Variants in GNAO1 observed in about 807,000 individuals in gnomAD.
GNAO1 encodes the protein G protein subunit alpha o1.
For synonymous variants in GNAO1, 164 were observed against 180.7 expected (o/e 0.91, Z 0.74); for missense variants, 166 against 478.7 (o/e 0.35, Z 6.10).
At chr16:56,321,380 T>C (rs2037570157) in intron 3 of GNAO1, among the ~76,000 whole-genome samples, 1 of 152,206 alleles carries the variant, frequency 6.6e-6, no homozygotes, top group Non-Finnish European at 1.5e-5. Context: ...TCAGCTCTGC[T>C]TTCCTCAGTG....
intron 2 of GNAO1, chr16:56,194,381 G>T (rs1222222917): frequency 4.3e-5 from 18 of 415,956 alleles, no homozygotes; most frequent in South Asian, 5.1e-5. Flanking sequence ...CCCGAGGGGG[G>T]ACGTTTTAAA....
rs1427998093 is a variant in GNAO1, at chr16:56,347,625, G to C, written c.724-3759G>C. 4 of 962,056 alleles carry C rather than the reference G, an allele frequency of 4.2e-6. No individual in the cohort carries two copies. The African/African-American group carries it at 8.7e-5, about 21-fold the overall frequency. 59.6% of individuals were successfully genotyped at this position (962,056 alleles called of 1,614,324 possible). On this transcript the variant is annotated intron_variant, in intron 6 of 8. Transcript: ENST00000262493. ...CCTGGATCCCCTCCATGAGAGAGGG[G>C]CTCCCCCTGGAACAGAAGCTCTCAT...
chr16:56,304,425 T>C (rs181699129), intron 3 of GNAO1, among the ~76,000 whole-genome samples: 1 of 152,374 alleles, frequency 6.6e-6, no homozygotes, highest in Admixed American at 6.5e-5. Flanking sequence ...TCTTTATTGT[T>C]CAAAATACGG....
intron 3 of GNAO1, among the ~76,000 whole-genome samples, chr16:56,320,200 A>G (rs1226882925): frequency 6.6e-6 from 1 of 152,130 alleles, no homozygotes; most frequent in Non-Finnish European, 1.5e-5. Flanking sequence ...GCCATGCCCC[A>G]TAGAAGAGTC....
At chr16:56,295,526 C>T (rs1314071416) in intron 3 of GNAO1, among the ~76,000 whole-genome samples, 1 of 152,152 alleles carries the variant, frequency 6.6e-6, no homozygotes, top group African/African-American at 2.4e-5. Flanking sequence ...CATGTGAAAC[C>T]ACTCTGCACA....
At chr16:56,254,746 G>C (rs2036830361) in intron 2 of GNAO1, among the ~76,000 whole-genome samples, 2 of 151,756 alleles carry the variant, frequency 1.3e-5, no homozygotes, top group African/African-American at 4.8e-5. Flanking sequence ...TGTTTCCCTT[G>C]CTTGTGCTGG....
chr16:56,261,555 A>G (rs1234977641), intron 2 of GNAO1, among the ~76,000 whole-genome samples: 2 of 152,234 alleles, frequency 1.3e-5, no homozygotes, highest in Non-Finnish European at 2.9e-5. Context: ...AGCATTTTCC[A>G]GGCTGGCTAG....
chr16:56,231,572 G>A (rs893379529), intron 2 of GNAO1, among the ~76,000 whole-genome samples: 1 of 152,190 alleles, frequency 6.6e-6, no homozygotes, highest in Non-Finnish European at 1.5e-5. Flanking sequence ...GTGGAACTTG[G>A]GGAACAACTG....
chr16:56,344,016 G>T, intron 6 of GNAO1: 1 of 1,588,532 alleles, frequency 6.3e-7, no homozygotes, highest in Non-Finnish European at 8.5e-7. Flanking sequence ...CTGGAACCAG[G>T]CTCCACCACT....
chr16:56,313,494 A>T (rs1017210206), intron 3 of GNAO1, among the ~76,000 whole-genome samples: 1 of 152,194 alleles, frequency 6.6e-6, no homozygotes, highest in African/African-American at 2.4e-5. Flanking sequence ...CATTTTTGCA[A>T]ATGTCTTTCA....
At chr16:56,324,853 G>A (rs2037615489) in intron 3 of GNAO1, among the ~76,000 whole-genome samples, 1 of 152,262 alleles carries the variant, frequency 6.6e-6, no homozygotes, top group Non-Finnish European at 1.5e-5. Flanking sequence ...CAGGCAATGG[G>A]AGGGGCACAG....
At chr16:56,324,684 C>T (rs2037613707) in intron 3 of GNAO1, among the ~76,000 whole-genome samples, 1 of 152,242 alleles carries the variant, frequency 6.6e-6, no homozygotes, top group African/African-American at 2.4e-5. Context: ...TTCCAGGTCA[C>T]TGCTGCCAGG....
chr16:56,253,013 A>G (rs1407756465), intron 2 of GNAO1, among the ~76,000 whole-genome samples: 15 of 152,202 alleles, frequency 9.9e-5, no homozygotes, highest in Non-Finnish European at 1.8e-4. Flanking sequence ...GCCTTCTGCC[A>G]AGAGTTCTGC....
intron 2 of GNAO1, among the ~76,000 whole-genome samples, chr16:56,251,698 A>G (rs543293927): frequency 1.3e-5 from 2 of 152,190 alleles, no homozygotes; most frequent in Non-Finnish European, 2.9e-5. Context: ...TTGCCCACTA[A>G]TAGTTCTGCA....
intron 2 of GNAO1, among the ~76,000 whole-genome samples, chr16:56,265,083 T>C (rs2036939472): frequency 6.6e-6 from 1 of 152,190 alleles, no homozygotes; most frequent in African/African-American, 2.4e-5. Flanking sequence ...TCTGCCTCCC[T>C]TGGGAGAAGC....
chr16:56,215,297 A>T (rs2036427984), intron 2 of GNAO1, among the ~76,000 whole-genome samples: 1 of 152,166 alleles, frequency 6.6e-6, no homozygotes, highest in Non-Finnish European at 1.5e-5. Context: ...CATAGAGATG[A>T]CTTCTTTGTC....
Position 56,192,304 on chromosome 16 carries a change from C to A in GNAO1, c.69C>A (p.Leu23=). 6.2e-7 allele frequency: 1 copy of A among 1,611,726 alleles called. No homozygotes were observed. The highest frequency in any genetic ancestry group is 1.1e-5 in the South Asian group (1 of 91,000). ...LERSKAIEKN[L]KEDGISAAKD... ...GGAGCAAGGCGATTGAGAAAAACCT[C>A]AAAGAGGATGGCATCAGCGCCGCCA... Residue 23 remains leucine, a synonymous_variant, in exon 1 of 9, where the codon CTC becomes CTA. Transcript: ENST00000262493.
At chr16:56,281,474 C>T (rs2037113733) in intron 3 of GNAO1, among the ~76,000 whole-genome samples, 1 of 151,968 alleles carries the variant, frequency 6.6e-6, no homozygotes, top group African/African-American at 2.4e-5. Flanking sequence ...CCTGCTCTGC[C>T]TCTCCTTCAC....
chr16:56,340,550 C>A, intron 6 of GNAO1: 1 of 406,842 alleles, frequency 2.5e-6, no homozygotes, highest in Non-Finnish European at 4.5e-6. Flanking sequence ...CTCCAGTGAC[C>A]TCACTGCCCC....
Sources: allele counts gnomAD v4.1 joint callset (sites outside exome capture counted in the v4.1 genomes callset), GRCh38; gene constraint gnomAD v4.1.1; transcripts MANE v1.5; gene names NCBI Gene and HGNC (gene_info 2026-07-23, HGNC 2026-07-21).